RNF138: variants seen among roughly 807,000 people sequenced by gnomAD.
RNF138 encodes ring finger protein 138.
In RNF138, 12 loss-of-function variants were observed where a neutral mutation model predicts 31.0. That is an observed-to-expected ratio of 0.39 (90% confidence interval 0.25 to 0.63). The LOEUF (loss-of-function observed/expected upper bound fraction) is 0.63. RNF138 is among the 20% of genes least tolerant of loss of function. The probability of loss-of-function intolerance (pLI) is 0.52; values close to 1 mark genes in which losing one functional copy is unlikely to be tolerated. For missense variants in RNF138, 192 were observed against 300.1 expected, an observed-to-expected ratio of 0.64 and a Z score of 2.66; for synonymous variants, 105 against 99.5, an observed-to-expected ratio of 1.06 and a Z score of -0.33.
chr18:32,115,337 A>C (rs2040197185), intron 4 of RNF138, among the ~76,000 whole-genome samples: 1 of 152,160 alleles, frequency 6.6e-6, no homozygotes, highest in African/African-American at 2.4e-5. Flanking sequence ...TCACTTCCCT[A>C]GCTCAGGCCC....
chr18:32,095,304 G>A (rs1216265523), intron 2 of RNF138, among the ~76,000 whole-genome samples: 1 of 152,004 alleles, frequency 6.6e-6, no homozygotes, highest in Non-Finnish European at 1.5e-5. Flanking sequence ...CAAGTTGCTG[G>A]GACTACAGGA....
chr18:32,104,040 G>A (rs1173915972), intron 2 of RNF138, among the ~76,000 whole-genome samples: 1 of 147,146 alleles, frequency 6.8e-6, no homozygotes, highest in Admixed American at 6.8e-5. Flanking sequence ...TGGAGGCAGA[G>A]TCTAGTTCTG....
At chr18:32,109,299 A>C (rs1219307079) in intron 2 of RNF138, among the ~76,000 whole-genome samples, 1 of 151,872 alleles carries the variant, frequency 6.6e-6, no homozygotes, top group Admixed American at 6.6e-5. Context: ...GACTACAGGC[A>C]TGTGCCACCA....
intron 6 of RNF138, among the ~76,000 whole-genome samples, chr18:32,125,691 G>T (rs1373334693): frequency 2.0e-5 from 3 of 152,190 alleles, no homozygotes; most frequent in Non-Finnish European, 4.4e-5. Flanking sequence ...TAGCACTTTG[G>T]GAGGCCGAGA....
chr18:32,115,761 ACACACACG>A (rs1318831687), intron 4 of RNF138, among the ~76,000 whole-genome samples: 1 of 151,994 alleles, frequency 6.6e-6, no homozygotes, highest in Non-Finnish European at 1.5e-5. Context: ...ACACACACGC[ACACACACG>A]CACGCACGCA....
chr18:32,104,277 G>A (rs144402321), intron 2 of RNF138, among the ~76,000 whole-genome samples: 39 of 151,808 alleles, frequency 2.6e-4, no homozygotes, highest in African/African-American at 8.5e-4. Flanking sequence ...CGTCCCAAAG[G>A]GCTGAGATTA....
At chr18:32,100,285 AT>A (rs969943692) in intron 2 of RNF138, among the ~76,000 whole-genome samples, 20 of 150,786 alleles carry the variant, frequency 1.3e-4, no homozygotes, top group Non-Finnish European at 2.8e-4. Flanking sequence ...GAATACCTCT[AT>A]TTTATTATTT....
At chr18:32,093,878 A>G (rs1440576017) in intron 2 of RNF138, among the ~76,000 whole-genome samples, 1 of 152,160 alleles carries the variant, frequency 6.6e-6, no homozygotes, top group Non-Finnish European at 1.5e-5. Flanking sequence ...AAGTAAACAT[A>G]CCAATTCCCA....
intron 4 of RNF138, among the ~76,000 whole-genome samples, chr18:32,118,832 A>T (rs1011173980): frequency 3.3e-5 from 5 of 152,112 alleles, no homozygotes; most frequent in African/African-American, 1.2e-4. Context: ...TCCGTCTCAA[A>T]AAAAAAGAAA....
chr18:32,110,620 A>C (rs970605627), intron 2 of RNF138, among the ~76,000 whole-genome samples: 1 of 152,112 alleles, frequency 6.6e-6, no homozygotes, highest in Non-Finnish European at 1.5e-5. Flanking sequence ...TATTTATAGG[A>C]GATTGGATTA....
intron 4 of RNF138, 65 bp downstream of exon 4, chr18:32,113,925 A>G (rs2040174088): frequency 3.6e-6 from 3 of 841,536 alleles, no homozygotes; most frequent in East Asian, 2.7e-5. Context: ...TTTGGGAACT[A>G]TATGATAAGG....
intron 7 of RNF138, among the ~76,000 whole-genome samples, chr18:32,128,066 CG>C (rs1295174505): frequency 1.8e-4 from 26 of 141,164 alleles, no homozygotes; most frequent in African/African-American, 6.9e-4. Flanking sequence ...GGTGACAGTG[CG>C]AGACTCCGTC....
intron 6 of RNF138, among the ~76,000 whole-genome samples, chr18:32,125,449 T>C (rs535157240): frequency 6.6e-6 from 1 of 152,280 alleles, no homozygotes; most frequent in East Asian, 1.9e-4. Context: ...AAGTGTTTCA[T>C]AGGTAAGTTA....
intron 2 of RNF138, among the ~76,000 whole-genome samples, chr18:32,105,596 T>C (rs2040015510): frequency 6.6e-6 from 1 of 152,232 alleles, no homozygotes; most frequent in African/African-American, 2.4e-5. Flanking sequence ...CATGATAATA[T>C]TTCCAGATGG....
Position 32,111,741 on chromosome 18 carries a change from A to G in RNF138, c.111-13A>G, listed in dbSNP as rs1292330756. On this transcript the variant is annotated splice_polypyrimidine_tract_variant and intron_variant, in intron 2 of 7. Coordinates refer to ENST00000261593, the MANE Select transcript of RNF138 (RefSeq NM_016271.5). ...TTTTTTTTGTAATTAATGTGTCACAATGTTTGGTTTAGTTTCTGTAGAAAA... is the reference window on the plus strand; with the variant it reads ...TTTTTTTTGTAATTAATGTGTCACAGTGTTTGGTTTAGTTTCTGTAGAAAA... 2.5e-6 allele frequency: 4 copies of G among 1,605,472 alleles called. No homozygotes were observed. Among genetic ancestry groups the G allele is most frequent in the Non-Finnish European group, 1.7e-6 (2 of 1,176,972 alleles).
In RNF138 at chr18:32,092,684, C is replaced by A. The variant is rs771872858; in HGVS notation, c.-77-16C>A. Reference sequence around the variant, plus strand: ...TATCCTGATGCGATCCCCCTCCCCCCTCCGGGTTCATGTAGGGAGTCGGGC... The same window carrying A: ...TATCCTGATGCGATCCCCCTCCCCCATCCGGGTTCATGTAGGGAGTCGGGC... On this transcript the variant is annotated splice_polypyrimidine_tract_variant and intron_variant, in intron 1 of 7. Coordinates refer to ENST00000261593, the MANE Select transcript of RNF138 (RefSeq NM_016271.5). 1 of 744,254 alleles carries A rather than the reference C, an allele frequency of 1.3e-6. No homozygotes were observed. Among genetic ancestry groups the A allele is most frequent in the Admixed American group, 2.1e-5 (1 of 47,882 alleles). The allele number at this position is 744,254 out of a possible 1,614,324, so 46.1% of individuals were successfully genotyped here.
chr18:32,108,458 A>G (rs753436891), intron 2 of RNF138, among the ~76,000 whole-genome samples: 3 of 152,120 alleles, frequency 2.0e-5, no homozygotes, highest in Non-Finnish European at 4.4e-5. Context: ...TTAGCTCAAC[A>G]TTATATCATT....
rs913163968 is a variant in RNF138, at chr18:32,131,038, A to G, written c.*1851A>G. On this transcript the variant is annotated 3_prime_UTR_variant, in exon 8 of 8. Coordinates refer to ENST00000261593, the MANE Select transcript of RNF138 (RefSeq NM_016271.5). ...GGGATTTGCAAAGTTTAATACATCC[A>G]ATATGTCAAGTTAAACCATTCTGGG... 8 of 151,404 alleles carry G rather than the reference A, an allele frequency of 5.3e-5. No individual in the cohort carries two copies. Among genetic ancestry groups the G allele is most frequent in the Non-Finnish European group, 1.0e-4 (7 of 67,674 alleles). The allele number at this position is 151,404 out of a possible 1,614,324, so 9.4% of individuals were successfully genotyped here.
At chr18:32,113,409 T>TTAAA (rs2040165752) in intron 3 of RNF138, among the ~76,000 whole-genome samples, 1 of 152,128 alleles carries the variant, frequency 6.6e-6, no homozygotes, top group Non-Finnish European at 1.5e-5. Context: ...GCTGCAGAAG[T>TTAAA]TAAATAATAA....
Sources: allele counts gnomAD v4.1 joint callset (sites outside exome capture counted in the v4.1 genomes callset), GRCh38; gene constraint gnomAD v4.1.1; transcripts MANE v1.5; gene names NCBI Gene and HGNC (gene_info 2026-07-23, HGNC 2026-07-21).